The following TMEM132D variants were observed in gnomAD, a reference collection of about 807,000 sequenced individuals.
TMEM132D encodes transmembrane protein 132D.
TMEM132D carries 21 observed loss-of-function variants against 62.3 expected under a neutral mutation model. That is an observed-to-expected ratio of 0.34 (90% CI 0.24 to 0.49). The LOEUF (loss-of-function observed/expected upper bound fraction) is 0.49, where lower values mean the gene tolerates loss of function less well. Ranked by LOEUF, TMEM132D falls within the 20% of genes least tolerant of loss-of-function variation. TMEM132D has a pLI of 0.99. For synonymous variants in TMEM132D, 621 were observed against 575.6 expected, an observed-to-expected ratio of 1.08 and a Z score of -1.13; for missense variants, 1,346 against 1,402.8, an observed-to-expected ratio of 0.96 and a Z score of 0.65.
intron 5 of TMEM132D, among the ~76,000 whole-genome samples, chr12:129,097,954 C>T (rs1328050234): frequency 6.6e-6 from 1 of 152,228 alleles, no homozygotes; most frequent in African/African-American, 2.4e-5. Flanking sequence ...TCATGGATTA[C>T]ACCTTTGGTG....
At chr12:129,724,697 A>G (rs1752733674) in intron 1 of TMEM132D, among the ~76,000 whole-genome samples, 1 of 151,576 alleles carries the variant, frequency 6.6e-6, no homozygotes, top group Non-Finnish European at 1.5e-5. Flanking sequence ...TAATTTTTGT[A>G]CTTTTAGTAG....
chr12:129,377,987 T>C (rs1870832324), intron 3 of TMEM132D, among the ~76,000 whole-genome samples: 1 of 152,252 alleles, frequency 6.6e-6, no homozygotes, highest in Non-Finnish European at 1.5e-5. Flanking sequence ...ATCACCATCT[T>C]CACAGAAAGT....
At chr12:129,252,550 T>TG (rs1457328133) in intron 4 of TMEM132D, among the ~76,000 whole-genome samples, 3 of 152,130 alleles carry the variant, frequency 2.0e-5, no homozygotes, top group Non-Finnish European at 4.4e-5. Flanking sequence ...CAACAGGTGC[T>TG]GAGAGGATGT....
intron 1 of TMEM132D, among the ~76,000 whole-genome samples, chr12:129,756,672 G>A (rs1487474461): frequency 6.6e-6 from 1 of 152,074 alleles, no homozygotes; most frequent in South Asian, 2.1e-4. Flanking sequence ...TAGTTAAGGT[G>A]GTAAATTATG....
intron 3 of TMEM132D, among the ~76,000 whole-genome samples, chr12:129,367,282 C>T (rs73422444): frequency 0.034 from 5,243 of 152,280 alleles, 129 homozygotes; most frequent in East Asian, 0.068. Flanking sequence ...ATCCATCTAT[C>T]TGTGTACTTA....
intron 3 of TMEM132D, among the ~76,000 whole-genome samples, chr12:129,506,937 T>C (rs1206362503): frequency 1.3e-5 from 2 of 151,050 alleles, no homozygotes; most frequent in African/African-American, 4.9e-5. Context: ...GAGTGGGAGA[T>C]AATCTTCACA....
intron 5 of TMEM132D, among the ~76,000 whole-genome samples, chr12:129,151,475 T>C (rs796127272): frequency 1.2e-4 from 19 of 152,348 alleles, no homozygotes; most frequent in African/African-American, 4.3e-4. Flanking sequence ...CACACCCGTC[T>C]TGTCTCCCTG....
intron 2 of TMEM132D, among the ~76,000 whole-genome samples, chr12:129,699,535 C>T (rs1265080193): frequency 1.3e-5 from 2 of 152,184 alleles, no homozygotes; most frequent in South Asian, 2.1e-4. Flanking sequence ...GCTGATAATA[C>T]CCTAAGCTAA....
intron 5 of TMEM132D, among the ~76,000 whole-genome samples, chr12:129,118,814 T>C (rs371795586): frequency 2.7e-4 from 41 of 152,288 alleles, no homozygotes; most frequent in African/African-American, 8.9e-4. Context: ...CAGGGTGCTG[T>C]AGCTCATATC....
chr12:129,676,917 C>T (rs1402012380), intron 2 of TMEM132D, among the ~76,000 whole-genome samples: 1 of 152,192 alleles, frequency 6.6e-6, no homozygotes, highest in East Asian at 1.9e-4. Context: ...ATCTACCTAT[C>T]CATTCAACTA....
chr12:129,141,112 G>A (rs1248643280), intron 5 of TMEM132D, among the ~76,000 whole-genome samples: 5 of 152,072 alleles, frequency 3.3e-5, no homozygotes, highest in Admixed American at 3.3e-4. Context: ...ATAGAGAAGT[G>A]GAAAAAAGCT....
At chr12:129,763,749 C>A (rs1295687716) in intron 1 of TMEM132D, among the ~76,000 whole-genome samples, 1 of 14,918 alleles carries the variant, frequency 6.7e-5, no homozygotes, top group Non-Finnish European at 3.3e-3. Context: ...ACCATGGACC[C>A]CCAAGGCTGC....
At chr12:129,345,620 A>G (rs1036606381) in intron 3 of TMEM132D, among the ~76,000 whole-genome samples, 3 of 152,220 alleles carry the variant, frequency 2.0e-5, no homozygotes, top group African/African-American at 7.2e-5. Context: ...ATGAAATATC[A>G]TATGTTCAAG....
intron 2 of TMEM132D, among the ~76,000 whole-genome samples, chr12:129,636,737 T>TGTGTGTGAGAGAGAGAGA (rs375868329): frequency 7.9e-5 from 9 of 113,562 alleles, no homozygotes; most frequent in African/African-American, 3.0e-4. Flanking sequence ...TGTGTGTGTG[T>TGTGTGTGAGAGAGAGAGA]GAGAGAGAGA....
chr12:129,386,758 T>A (rs1871116319), intron 3 of TMEM132D, among the ~76,000 whole-genome samples: 1 of 148,092 alleles, frequency 6.8e-6, no homozygotes, highest in Non-Finnish European at 1.5e-5. Flanking sequence ...CTATCACTAA[T>A]CATAATACAA....
chr12:129,400,892 T>C (rs1871602336), intron 3 of TMEM132D, among the ~76,000 whole-genome samples: 1 of 152,170 alleles, frequency 6.6e-6, no homozygotes, highest in Non-Finnish European at 1.5e-5. Context: ...AAGTATTCAA[T>C]GAAGAAAAAT....
intron 8 of TMEM132D, 71 bp downstream of exon 8, chr12:129,078,463 G>T: frequency 2.0e-6 from 3 of 1,498,284 alleles, no homozygotes; most frequent in Non-Finnish European, 2.7e-6. Flanking sequence ...CGCCTGGCGT[G>T]GTGCCTGCCT....
At chr12:129,853,366 C>A (rs1023914402) in intron 1 of TMEM132D, 1 of 152,226 alleles carries the variant, frequency 6.6e-6, no homozygotes, top group African/African-American at 2.4e-5. Flanking sequence ...GAACAAGAGG[C>A]CGTTTGAAAA....
chr12:129,877,628 CAGAGAG>C (rs71085585), intron 1 of TMEM132D, among the ~76,000 whole-genome samples: 37 of 146,958 alleles, frequency 2.5e-4, no homozygotes, highest in African/African-American at 4.4e-4. Flanking sequence ...CACACACACA[CAGAGAG>C]AGAGAGAGAG....
Sources: allele counts gnomAD v4.1 joint callset (sites outside exome capture counted in the v4.1 genomes callset), GRCh38; gene constraint gnomAD v4.1.1; transcripts MANE v1.5; gene names NCBI Gene and HGNC (gene_info 2026-07-23, HGNC 2026-07-21).